Variants in PPM1L observed in about 807,000 individuals in gnomAD.
PPM1L encodes the protein protein phosphatase 1L.
PPM1L carries 13 observed loss-of-function variants against 31.4 expected under a neutral mutation model. The ratio of observed to expected loss-of-function variants is 0.41; its 90% CI spans 0.27 to 0.66. PPM1L has a LOEUF of 0.66. PPM1L is among the 30% of genes least tolerant of loss of function. The pLI, the probability that PPM1L is intolerant of heterozygous loss-of-function variation, is 0.29. For synonymous variants in PPM1L, 184 were observed against 175.4 expected (o/e 1.05, Z -0.39); for missense variants, 326 against 453.7 (o/e 0.72, Z 2.56).
At chr3:160,840,997 G>C (rs1470902418) in intron 1 of PPM1L, among the ~76,000 whole-genome samples, 3 of 152,122 alleles carry the variant, frequency 2.0e-5, no homozygotes, top group African/African-American at 7.2e-5. Flanking sequence ...TACTTTGCCA[G>C]CTCTCTGGGT....
At chr3:160,832,227 A>G (rs1388596734) in intron 1 of PPM1L, among the ~76,000 whole-genome samples, 1 of 152,176 alleles carries the variant, frequency 6.6e-6, no homozygotes, top group African/African-American at 2.4e-5. Flanking sequence ...GTACAATGGC[A>G]GTGGAGGAGA....
intron 1 of PPM1L, among the ~76,000 whole-genome samples, chr3:160,760,189 GAT>G (rs368239376): frequency 1.3e-5 from 2 of 152,310 alleles, no homozygotes; most frequent in African/African-American, 4.8e-5. Context: ...CAGTTATCCA[GAT>G]ATTTGAGAAA....
intron 1 of PPM1L, among the ~76,000 whole-genome samples, chr3:160,897,919 ACT>A (rs1189797468): frequency 6.6e-6 from 1 of 152,132 alleles, no homozygotes; most frequent in Non-Finnish European, 1.5e-5. Context: ...ACGTTTTACA[ACT>A]CTGTAATTTA....
chr3:160,791,034 G>A (rs2108072920), intron 1 of PPM1L, among the ~76,000 whole-genome samples: 1 of 152,192 alleles, frequency 6.6e-6, no homozygotes, highest in Non-Finnish European at 1.5e-5. Flanking sequence ...AAGGTCTTTT[G>A]ACTTGTAAAC....
chr3:160,781,401 C>T (rs1711743767), intron 1 of PPM1L, among the ~76,000 whole-genome samples: 1 of 152,004 alleles, frequency 6.6e-6, no homozygotes, highest in Admixed American at 6.6e-5. Context: ...GTAGATCTTC[C>T]TCGCCAAATA....
intron 1 of PPM1L, among the ~76,000 whole-genome samples, chr3:160,808,383 C>CTCTGTGTGTGTGTGTGTGTGTG (rs1204425630): frequency 9.1e-6 from 1 of 110,310 alleles, no homozygotes; most frequent in African/African-American, 3.6e-5. Context: ...CAGGATTTTC[C>CTCTGTGTGTGTGTGTGTGTGTG]TGTGTGTGTG....
At chr3:160,875,801 C>A (rs1009471851) in intron 1 of PPM1L, among the ~76,000 whole-genome samples, 4 of 152,128 alleles carry the variant, frequency 2.6e-5, no homozygotes, top group African/African-American at 7.2e-5. Context: ...CTATATGTGA[C>A]CCTAAGGTCA....
At chr3:161,001,743 G>GC (rs1717489829) in intron 2 of PPM1L, among the ~76,000 whole-genome samples, 2 of 152,032 alleles carry the variant, frequency 1.3e-5, no homozygotes. Flanking sequence ...ATTAGGATTA[G>GC]GATTGGAAAA....
chr3:160,987,819 C>G (rs553734060), intron 2 of PPM1L, among the ~76,000 whole-genome samples: 1 of 152,322 alleles, frequency 6.6e-6, no homozygotes, highest in African/African-American at 2.4e-5. Context: ...GAACGATATG[C>G]TCTGTGTTTT....
intron 1 of PPM1L, among the ~76,000 whole-genome samples, chr3:160,803,139 T>TA (rs1004837123): frequency 2.0e-5 from 3 of 152,222 alleles, no homozygotes; most frequent in Non-Finnish European, 4.4e-5. Context: ...TTTAGGGTGC[T>TA]AACTCAAAAG....
intron 1 of PPM1L, among the ~76,000 whole-genome samples, chr3:160,865,081 C>G (rs925607933): frequency 6.6e-6 from 1 of 152,084 alleles, no homozygotes. Flanking sequence ...ACTGTTAATT[C>G]GTTTCTAATG....
At chr3:160,888,173 C>T (rs1712988840) in intron 1 of PPM1L, among the ~76,000 whole-genome samples, 1 of 152,148 alleles carries the variant, frequency 6.6e-6, no homozygotes, top group South Asian at 2.1e-4. Flanking sequence ...ATCAAATTCA[C>T]ACATAATAAT....
intron 1 of PPM1L, among the ~76,000 whole-genome samples, chr3:160,956,454 G>A (rs1351034712): frequency 6.6e-6 from 1 of 152,218 alleles, no homozygotes; most frequent in Non-Finnish European, 1.5e-5. Context: ...AGAGCTGAAA[G>A]TCCAGGTGTA....
chr3:160,882,775 A>C (rs935497), intron 1 of PPM1L, among the ~76,000 whole-genome samples: 19 of 152,260 alleles, frequency 1.2e-4, no homozygotes, highest in African/African-American at 3.8e-4. Context: ...AGAGGTCACC[A>C]ATGTTATTTT....
chr3:160,781,813 A>G (rs1331035220), intron 1 of PPM1L, among the ~76,000 whole-genome samples: 3 of 152,260 alleles, frequency 2.0e-5, no homozygotes, highest in South Asian at 2.1e-4. Context: ...TTCTTTTTGA[A>G]ATCAAAGTGC....
intron 1 of PPM1L, among the ~76,000 whole-genome samples, chr3:160,784,260 A>C (rs1040484839): frequency 4.6e-5 from 7 of 152,196 alleles, no homozygotes; most frequent in Non-Finnish European, 1.0e-4. Context: ...AACCATTTAA[A>C]ATGGTTTAAT....
chr3:160,762,783 G>C (rs967813206), intron 1 of PPM1L, among the ~76,000 whole-genome samples: 3 of 152,124 alleles, frequency 2.0e-5, no homozygotes, highest in African/African-American at 7.2e-5. Flanking sequence ...TAAAATGCAG[G>C]CACCGTTGGA....
At chr3:160,964,321 G>A (rs1266553236) in intron 2 of PPM1L, among the ~76,000 whole-genome samples, 2 of 66,898 alleles carry the variant, frequency 3.0e-5, no homozygotes, top group South Asian at 3.7e-4. Flanking sequence ...CACATATTTT[G>A]TATGTTATGT....
chr3:160,893,356 T>C (rs1713218552), intron 1 of PPM1L, among the ~76,000 whole-genome samples: 1 of 152,182 alleles, frequency 6.6e-6, no homozygotes, highest in Non-Finnish European at 1.5e-5. Flanking sequence ...TCATGAATAG[T>C]ATATAGTGAA....
Sources: allele counts gnomAD v4.1 joint callset (sites outside exome capture counted in the v4.1 genomes callset), GRCh38; gene constraint gnomAD v4.1.1; transcripts MANE v1.5; gene names NCBI Gene and HGNC (gene_info 2026-07-23, HGNC 2026-07-21).